The following PDK1 variants were observed in gnomAD, a reference collection of about 807,000 sequenced individuals.
PDK1 encodes [Pyruvate dehydrogenase (acetyl-transferring)] kinase isozyme 1, mitochondrial.
A neutral mutation model predicts 54.2 loss-of-function variants in PDK1; 39 were observed. That is an observed-to-expected ratio of 0.72 (90% CI 0.56 to 0.94). PDK1 has a LOEUF of 0.94. Among genes scored for constraint, PDK1 ranks in the 40% least tolerant of loss-of-function variants. PDK1 has a pLI of 0.00. For missense variants in PDK1, 552 were observed against 566.0 expected, an observed-to-expected ratio of 0.98 and a Z score of 0.25; for synonymous variants, 221 against 207.1, an observed-to-expected ratio of 1.07 and a Z score of -0.58.
At chr2:172,579,202 A>G (rs548794474) in intron 8 of PDK1, among the ~76,000 whole-genome samples, 9 of 152,096 alleles carry the variant, frequency 5.9e-5, no homozygotes, top group African/African-American at 2.2e-4. Context: ...CCTCAAATTA[A>G]TCAGTTACTT....
At chr2:172,616,468 A>C in the PDK1 span, among the ~76,000 whole-genome samples, 1 of 152,224 alleles carries the variant, frequency 6.6e-6, no homozygotes, top group Non-Finnish European at 1.5e-5. Context: ...TATTGCCATA[A>C]ACTAAAAAAA....
the PDK1 span, among the ~76,000 whole-genome samples, chr2:172,671,301 A>G: frequency 1.1e-4 from 16 of 151,418 alleles, no homozygotes; most frequent in East Asian, 2.3e-3. Context: ...TCACCTTTAT[A>G]TATCACTACT....
At chr2:172,669,579 T>C in the PDK1 span, among the ~76,000 whole-genome samples, 1 of 152,170 alleles carries the variant, frequency 6.6e-6, no homozygotes, top group African/African-American at 2.4e-5. Context: ...TTATTTTTAG[T>C]TTTTTTGAGG....
At chr2:172,646,276 A>G in the PDK1 span, among the ~76,000 whole-genome samples, 7 of 152,026 alleles carry the variant, frequency 4.6e-5, no homozygotes, top group Admixed American at 3.9e-4. Flanking sequence ...GTTTTGTTTC[A>G]ATTTTTTGGC....
chr2:172,700,359 G>C, the PDK1 span, among the ~76,000 whole-genome samples: 1 of 150,078 alleles, frequency 6.7e-6, no homozygotes, highest in African/African-American at 2.5e-5. Flanking sequence ...CCACCTCCTG[G>C]ACGGGGTGGC....
At chr2:172,634,311 C>T in the PDK1 span, among the ~76,000 whole-genome samples, 4 of 46,946 alleles carry the variant, frequency 8.5e-5, no homozygotes, top group South Asian at 6.2e-4. Flanking sequence ...CTCGCTCTGT[C>T]GCCCAGGCTG....
chr2:172,576,604 CATTTTACAACTATA>C (rs1245936150), intron 8 of PDK1, among the ~76,000 whole-genome samples: 3 of 152,032 alleles, frequency 2.0e-5, no homozygotes, highest in African/African-American at 7.2e-5. Context: ...TCATTTGAGA[CATTTTACAACTATA>C]ATTTTACTTT....
the PDK1 span, among the ~76,000 whole-genome samples, chr2:172,643,244 A>G: frequency 2.6e-5 from 4 of 152,188 alleles, no homozygotes; most frequent in Admixed American, 6.5e-5. Flanking sequence ...AGCTATTGCC[A>G]TGTAGCTGTC....
At chr2:172,664,732 A>C in the PDK1 span, among the ~76,000 whole-genome samples, 4 of 151,554 alleles carry the variant, frequency 2.6e-5, no homozygotes, top group African/African-American at 9.7e-5. Flanking sequence ...CTCCTTCTTC[A>C]CTTATGCCTT....
the PDK1 span, among the ~76,000 whole-genome samples, chr2:172,616,624 T>G: frequency 6.6e-6 from 1 of 152,212 alleles, no homozygotes; most frequent in African/African-American, 2.4e-5. Flanking sequence ...TCATTCAAAT[T>G]GAAGGTTTTG....
the PDK1 span, among the ~76,000 whole-genome samples, chr2:172,671,828 A>G: frequency 6.6e-6 from 1 of 152,212 alleles, no homozygotes; most frequent in Admixed American, 6.5e-5. Context: ...ATCCCTAGCA[A>G]GTTACAATGA....
At chr2:172,631,242 C>T in the PDK1 span, among the ~76,000 whole-genome samples, 3 of 152,192 alleles carry the variant, frequency 2.0e-5, no homozygotes, top group Non-Finnish European at 2.9e-5. Flanking sequence ...TATTTCATTC[C>T]ATCCCATCCC....
the PDK1 span, among the ~76,000 whole-genome samples, chr2:172,617,676 G>A: frequency 6.6e-6 from 1 of 152,058 alleles, no homozygotes; most frequent in Non-Finnish European, 1.5e-5. Flanking sequence ...CTCCCATTAA[G>A]CCCCATCTCC....
At chr2:172,643,766 C>G in the PDK1 span, among the ~76,000 whole-genome samples, 20 of 152,296 alleles carry the variant, frequency 1.3e-4, no homozygotes, top group African/African-American at 4.6e-4. Context: ...TCTCCCTGCC[C>G]CACCGTGAGA....
chr2:172,579,704 C>CTTTTTTTTTTT (rs11303240), intron 8 of PDK1, among the ~76,000 whole-genome samples: 1 of 145,494 alleles, frequency 6.9e-6, no homozygotes. Flanking sequence ...GAGTTTTTAA[C>CTTTTTTTTTTT]TTTTTTTTTT....
At chr2:172,641,987 TTATTTTCTAAGCCC>T in the PDK1 span, among the ~76,000 whole-genome samples, 1 of 152,100 alleles carries the variant, frequency 6.6e-6, no homozygotes, top group Non-Finnish European at 1.5e-5. Flanking sequence ...ATTTGGGGTA[TTATTTTCTAAGCCC>T]CAACAATAAC....
the PDK1 span, chr2:172,674,837 A>G: frequency 6.6e-6 from 1 of 152,238 alleles, no homozygotes; most frequent in Non-Finnish European, 1.5e-5. Flanking sequence ...GGGCTTCCTG[A>G]GCCTCTCCCG....
the PDK1 span, among the ~76,000 whole-genome samples, chr2:172,659,980 G>A: frequency 0.055 from 8,316 of 152,170 alleles, 304 homozygotes; most frequent in Middle Eastern, 0.11. Context: ...CATCTAGCAG[G>A]AATGTGAGGG....
the PDK1 span, among the ~76,000 whole-genome samples, chr2:172,664,262 G>T: frequency 8.2e-6 from 1 of 121,260 alleles, no homozygotes; most frequent in Non-Finnish European, 1.6e-5. Flanking sequence ...AAAGAGCCGA[G>T]ATCGTGCCAT....
Sources: allele counts gnomAD v4.1 joint callset (sites outside exome capture counted in the v4.1 genomes callset), GRCh38; gene constraint gnomAD v4.1.1; transcripts MANE v1.5; gene names NCBI Gene and HGNC (gene_info 2026-07-23, HGNC 2026-07-21).